WDR4: variants seen among roughly 807,000 people sequenced by gnomAD.
WDR4 encodes the protein WDR4 tRNA N7-guanosine methyltransferase non-catalytic subunit, also known as tRNA (guanine-N(7)-)-methyltransferase non-catalytic subunit WDR4.
A neutral mutation model predicts 48.6 loss-of-function variants in WDR4; 47 were observed. That is an observed-to-expected ratio of 0.97 (90% CI 0.77 to 1.23). WDR4 has a LOEUF of 1.23. Among genes scored for constraint, WDR4 ranks in the 50% most tolerant of loss-of-function variants. The pLI is 0.00. For missense variants in WDR4, 606 were observed against 551.6 expected, an observed-to-expected ratio of 1.10 and a Z score of -0.99; for synonymous variants, 268 against 230.0, an observed-to-expected ratio of 1.17 and a Z score of -1.49.
At chr21:42,854,521 T>A in intron 8 of WDR4, 41 bp downstream of exon 8, 1 of 1,595,454 alleles carries the variant, frequency 6.3e-7, no homozygotes. Flanking sequence ...CCCCTGCAGG[T>A]CTGCAGAACC....
intron 3 of WDR4, among the ~76,000 whole-genome samples, chr21:42,871,786 A>G (rs1569333325): frequency 1.3e-5 from 2 of 152,250 alleles, no homozygotes; most frequent in African/African-American, 2.4e-5. Context: ...TTTTTAAACC[A>G]TGTGCATCTA....
intron 2 of WDR4, among the ~76,000 whole-genome samples, chr21:42,875,698 C>T (rs2058474354): frequency 6.6e-6 from 1 of 152,136 alleles, no homozygotes; most frequent in East Asian, 1.9e-4. Context: ...CAGAGAGACC[C>T]TGTCTCAAAA....
At chr21:42,890,773 TCTA>T in the WDR4 span, among the ~76,000 whole-genome samples, 4 of 151,756 alleles carry the variant, frequency 2.6e-5, no homozygotes, top group Non-Finnish European at 4.4e-5. Context: ...AAAAATCTAG[TCTA>T]CTATTTTCTA....
chr21:42,853,474 C>T, intron 9 of WDR4, 95 bp downstream of exon 9: 1 of 1,384,128 alleles, frequency 7.2e-7, no homozygotes, highest in Admixed American at 2.4e-5. Flanking sequence ...TTGAAAGAGG[C>T]TTACCCATGG....
intron 9 of WDR4, among the ~76,000 whole-genome samples, chr21:42,852,656 C>T (rs912978459): frequency 1.3e-5 from 2 of 152,222 alleles, no homozygotes; most frequent in African/African-American, 4.8e-5. Flanking sequence ...TGGCTCATAC[C>T]TGTAATCCCA....
chr21:42,850,013 C>A lies in WDR4; in HGVS notation c.*36G>T, dbSNP rs755944418. The A allele has an allele frequency of 1.9e-6, 3 of 1,601,946 alleles. No homozygotes were observed. The Admixed American group carries it at 5.5e-5, about 29-fold the overall frequency. ...AGGGGAACAAGTTAAAAAGCTTTTC[C>A]TAATTTGAGGTGAGAGACACCACTG... On this transcript the variant is annotated 3_prime_UTR_variant, in exon 11 of 11. Transcript: ENST00000398208.
intron 1 of WDR4, chr21:42,879,130 C>T: frequency 8.1e-7 from 1 of 1,227,380 alleles, no homozygotes; most frequent in Non-Finnish European, 1.0e-6. Flanking sequence ...GACCCGGCGG[C>T]GCTAACCGGG....
At chr21:42,858,766 G>T (rs542235681) in intron 6 of WDR4, among the ~76,000 whole-genome samples, 1 of 152,092 alleles carries the variant, frequency 6.6e-6, no homozygotes, top group Non-Finnish European at 1.5e-5. Context: ...CTCTCAGGTC[G>T]CGTGGCTGTG....
At chr21:42,853,494 A>G (rs527865541) in intron 9 of WDR4, 75 bp downstream of exon 9, 1 of 1,491,874 alleles carries the variant, frequency 6.7e-7, no homozygotes, top group East Asian at 2.4e-5. Flanking sequence ...GACCCAAAAA[A>G]CATAGCTGCC....
chr21:42,866,316 T>C (rs1030064387), intron 3 of WDR4, among the ~76,000 whole-genome samples: 1 of 152,128 alleles, frequency 6.6e-6, no homozygotes, highest in African/African-American at 2.4e-5. Context: ...TGGCTACGCC[T>C]CAAAACCCTT....
At chr21:42,874,838 G>A (rs2058454708) in intron 2 of WDR4, among the ~76,000 whole-genome samples, 1 of 152,078 alleles carries the variant, frequency 6.6e-6, no homozygotes, top group Admixed American at 6.6e-5. Context: ...CGGTCCTGTG[G>A]TCCTGCGATC....
intron 3 of WDR4, among the ~76,000 whole-genome samples, chr21:42,867,520 T>C (rs971590012): frequency 1.3e-5 from 2 of 152,204 alleles, no homozygotes; most frequent in Non-Finnish European, 2.9e-5. Flanking sequence ...GAAAAGTGCT[T>C]TGCACTTCAG....
downstream of WDR4, among the ~76,000 whole-genome samples, chr21:42,848,929 C>G (rs1426031227): frequency 3.5e-5 from 4 of 114,602 alleles, no homozygotes; most frequent in African/African-American, 1.5e-4. Flanking sequence ...ACGCGGCGCG[C>G]ACCTCACACA....
At chr21:42,863,747 A>C (rs1484141513) in intron 3 of WDR4, 151 bp from the exon 4 acceptor site, 1 of 817,188 alleles carries the variant, frequency 1.2e-6, no homozygotes, top group Non-Finnish European at 1.9e-6. Context: ...AAAATTAAGC[A>C]ATGCTAACAA....
chr21:42,878,321 G>T (rs1029811394), intron 1 of WDR4, among the ~76,000 whole-genome samples: 1 of 152,082 alleles, frequency 6.6e-6, no homozygotes, highest in Non-Finnish European at 1.5e-5. Context: ...ATATGGAACC[G>T]TGGACTTGTC....
chr21:42,882,854 T>A (rs1163677529), upstream of WDR4, among the ~76,000 whole-genome samples: 2 of 152,058 alleles, frequency 1.3e-5, no homozygotes, highest in African/African-American at 2.4e-5. Flanking sequence ...ATCCCAGCAC[T>A]TTGAGAGGCC....
the WDR4 span, among the ~76,000 whole-genome samples, chr21:42,885,956 A>ATTTTTT: frequency 1.6e-5 from 2 of 122,826 alleles, no homozygotes; most frequent in Non-Finnish European, 1.7e-5. Flanking sequence ...CTCAGCATAG[A>ATTTTTT]TTTTTTTTTT....
chr21:42,886,491 A>T, the WDR4 span, among the ~76,000 whole-genome samples: 1 of 152,208 alleles, frequency 6.6e-6, no homozygotes, highest in African/African-American at 2.4e-5. Flanking sequence ...TAAATTGTTC[A>T]CACGTCCAGC....
At chr21:42,882,146 C>T (rs1036178154), upstream of WDR4, among the ~76,000 whole-genome samples, 4 of 151,644 alleles carry the variant, frequency 2.6e-5, no homozygotes, top group Non-Finnish European at 4.4e-5. Context: ...CTGCCCGCCT[C>T]GGCCTCCCAA....
Sources: gnomAD v4.1 joint callset for allele counts (sites outside exome capture counted in the v4.1 genomes callset) on GRCh38, gnomAD v4.1.1 for gene constraint, MANE v1.5 for transcripts, NCBI Gene and HGNC (gene_info 2026-07-23, HGNC 2026-07-21) for gene names.